Variants in GPNMB observed in about 807,000 individuals in gnomAD.
The protein encoded by GPNMB is glycoprotein nmb.
A neutral mutation model predicts 57.3 loss-of-function variants in GPNMB; 71 were observed. That is an observed-to-expected ratio of 1.24 (90% CI 1.02 to 1.51). The LOEUF (loss-of-function observed/expected upper bound fraction) is 1.51. Ranked by LOEUF, GPNMB falls within the 40% of genes most tolerant of loss-of-function variation. The pLI is 0.00. For synonymous variants in GPNMB, 253 were observed against 263.2 expected, an observed-to-expected ratio of 0.96 and a Z score of 0.38; for missense variants, 677 against 691.9, an observed-to-expected ratio of 0.98 and a Z score of 0.24.
intron 4 of GPNMB, among the ~76,000 whole-genome samples, chr7:23,258,656 T>TAC (rs201836484): frequency 0.017 from 2,624 of 152,298 alleles, 43 homozygotes; most frequent in South Asian, 0.046. Flanking sequence ...TCCACTGAGG[T>TAC]CTCAGAGTTA....
At chr7:23,261,155 G>A (rs1393323218) in intron 6 of GPNMB, among the ~76,000 whole-genome samples, 1 of 151,916 alleles carries the variant, frequency 6.6e-6, no homozygotes. Context: ...TCATTTCTAT[G>A]TTCCTTCCTC....
chr7:23,256,916 A>G lies in GPNMB; in HGVS notation c.392A>G (p.Tyr131Cys). Reference protein sequence around the residue: ...RNEAGLSADPYVYNWTAWSED... With the variant: ...RNEAGLSADPCVYNWTAWSED... Reference sequence around the variant, plus strand: ...GAGGCTGGTTTATCTGCTGATCCGTATGTTTACAACTGGACAGCATGGTCA... The same window carrying G: ...GAGGCTGGTTTATCTGCTGATCCGTGTGTTTACAACTGGACAGCATGGTCA... The change falls in exon 4 of 11, where the codon TAT (tyrosine) becomes TGT (cysteine). Residue 131 changes from tyrosine to cysteine, a missense_variant. By Grantham distance (194) the Tyr-to-Cys change is radical. Coordinates refer to ENST00000258733, the MANE Select transcript of GPNMB (RefSeq NM_002510.3). The G allele has an allele frequency of 6.2e-7, 1 of 1,614,132 alleles. No homozygotes were observed. The highest frequency in any genetic ancestry group is 8.5e-7 in the Non-Finnish European group (1 of 1,179,958).
intron 1 of GPNMB, among the ~76,000 whole-genome samples, chr7:23,252,697 ATAAC>A (rs770643375): frequency 3.3e-5 from 5 of 152,348 alleles, no homozygotes; most frequent in Admixed American, 6.5e-5. Flanking sequence ...AGTAACTCAA[ATAAC>A]AAGTAGAAAA....
intron 7 of GPNMB, among the ~76,000 whole-genome samples, 163 bp from the exon 8 acceptor site, chr7:23,267,723 A>T (rs1212676721): frequency 3.3e-5 from 5 of 152,116 alleles, no homozygotes; most frequent in Non-Finnish European, 5.9e-5. Flanking sequence ...CTCATGACCT[A>T]ACTACCTCCC....
At chr7:23,268,309 C>G (rs953627292) in intron 8 of GPNMB, among the ~76,000 whole-genome samples, 1 of 152,088 alleles carries the variant, frequency 6.6e-6, no homozygotes. Flanking sequence ...TCGTATGAGC[C>G]TCCCCATTTT....
chr7:23,248,612 C>G (rs1177776386), intron 1 of GPNMB, among the ~76,000 whole-genome samples: 1 of 152,040 alleles, frequency 6.6e-6, no homozygotes, highest in Admixed American at 6.6e-5. Context: ...TGGAGGCAGC[C>G]CAGCCACCAC....
At chr7:23,261,380 C>T (rs894426926) in intron 6 of GPNMB, among the ~76,000 whole-genome samples, 2 of 152,128 alleles carry the variant, frequency 1.3e-5, no homozygotes, top group Non-Finnish European at 2.9e-5. Flanking sequence ...TGGAATGAAC[C>T]CAAATGTCCA....
At chr7:23,248,572 G>A (rs1284729812) in intron 1 of GPNMB, among the ~76,000 whole-genome samples, 1 of 152,110 alleles carries the variant, frequency 6.6e-6, no homozygotes, top group Non-Finnish European at 1.5e-5. Context: ...TCGTAGCCCT[G>A]AAGGAAGGAG....
intron 6 of GPNMB, 54 bp from the exon 7 acceptor site, chr7:23,266,462 GT>G: frequency 6.3e-7 from 1 of 1,579,896 alleles, no homozygotes; most frequent in East Asian, 2.2e-5. Context: ...TATATCACAT[GT>G]ATCTTTTATG....
rs777220414 is a variant in GPNMB, at chr7:23,260,733, G to GCCACCA, written c.984_989dup (p.Pro329_Pro330dup). 2 of 1,588,252 alleles carry GCCACCA rather than the reference G, an allele frequency of 1.3e-6. No individual in the cohort carries two copies. The highest frequency in any genetic ancestry group is 2.7e-5 in the African/African-American group (2 of 74,224). ...CAGCACCAGGACCTTGTCCGCCACCGCCACCACCACCCAGACCTTCAAAAC... is the reference window on the plus strand; with the variant it reads ...CAGCACCAGGACCTTGTCCGCCACCGCCACCACCACCACCACCCAGACCTTCAAAAC... On this transcript the variant is annotated inframe_insertion, in exon 6 of 11. Transcript: ENST00000258733.
chr7:23,257,151 A>G (rs1782802929), intron 4 of GPNMB, 86 bp downstream of exon 4: 1 of 1,159,898 alleles, frequency 8.6e-7, no homozygotes. Context: ...ATTGAGAATG[A>G]TAACACAGAG....
Position 23,266,601 on chromosome 7 carries a change from C to A in GPNMB, c.1103C>A (p.Thr368Asn). 6.2e-7 allele frequency: 1 copy of A among 1,613,840 alleles called. No homozygotes were observed. Residue 368 changes from threonine (T) to asparagine (N), a missense_variant, in exon 7 of 11, where the codon ACC (threonine) becomes AAC (asparagine). By Grantham distance (65) the Thr-to-Asn change is moderately conservative. Transcript: ENST00000258733. Reference protein sequence around the residue: ...QINRYGHFQATITIVEGILEV... With the variant: ...QINRYGHFQANITIVEGILEV... ...AACAGATATGGCCACTTTCAAGCCA[C>A]CATCACAATTGTAGGTAAGGCTGAA...
chr7:23,247,195 C>A (rs1782551563), intron 1 of GPNMB: 2 of 462,446 alleles, frequency 4.3e-6, no homozygotes, highest in Admixed American at 3.4e-5. Context: ...AATTGCAACC[C>A]ATTCTTGCCA....
At chr7:23,270,388 C>G (rs1783173316) in intron 9 of GPNMB, among the ~76,000 whole-genome samples, 1 of 151,720 alleles carries the variant, frequency 6.6e-6, no homozygotes, top group Non-Finnish European at 1.5e-5. Context: ...AAATAGTGGC[C>G]AAAGAAAAGC....
chr7:23,248,539 A>G (rs1782589092), intron 1 of GPNMB, among the ~76,000 whole-genome samples: 1 of 152,158 alleles, frequency 6.6e-6, no homozygotes, highest in Non-Finnish European at 1.5e-5. Flanking sequence ...ATCAAGCACT[A>G]AAGATTTCCT....
intron 7 of GPNMB, among the ~76,000 whole-genome samples, chr7:23,266,962 C>T (rs374883364): frequency 3.3e-5 from 5 of 152,278 alleles, no homozygotes; most frequent in African/African-American, 1.2e-4. Flanking sequence ...ACTGTCTTCC[C>T]CTAGTTAATT....
intron 9 of GPNMB, among the ~76,000 whole-genome samples, chr7:23,271,048 C>T (rs917876311): frequency 8.5e-5 from 13 of 152,212 alleles, no homozygotes; most frequent in East Asian, 1.9e-4. Flanking sequence ...ACAGTTTTTC[C>T]GTGTAACGGG....
At chr7:23,257,116 C>A (rs1583820862) in intron 4 of GPNMB, 51 bp downstream of exon 4, 1 of 1,459,890 alleles carries the variant, frequency 6.8e-7, no homozygotes, top group Non-Finnish European at 9.6e-7. Flanking sequence ...CTTAAAATTT[C>A]AACCTTCTCT....
In GPNMB at chr7:23,270,041, T is replaced by A. The variant is rs1372605919; in HGVS notation, c.1295T>A (p.Val432Glu). 6.2e-7 allele frequency: 1 copy of A among 1,614,060 alleles called. No homozygotes were observed. Among genetic ancestry groups the A allele is most frequent in the Non-Finnish European group, 8.5e-7 (1 of 1,179,990 alleles). The change falls in exon 9 of 11, where the codon GTG (valine) becomes GAG (glutamate). Residue 432 changes from valine to glutamate, a missense_variant. By Grantham distance (121) the Val-to-Glu change is moderately radical (BLOSUM62 -2). Transcript: ENST00000258733. ...ACCCAGAACACAGTCTGCAGCCCTG[T>A]GGATGTGGATGAGATGTGTCTGCTG... ...EITQNTVCSP[V>E]DVDEMCLLTV...
Sources: gnomAD v4.1 joint callset for allele counts (sites outside exome capture counted in the v4.1 genomes callset) on GRCh38, gnomAD v4.1.1 for gene constraint, MANE v1.5 for transcripts, NCBI Gene and HGNC (gene_info 2026-07-23, HGNC 2026-07-21) for gene names.